The following GPM6B variants were observed in gnomAD, a reference collection of about 807,000 sequenced individuals.
GPM6B encodes neuronal membrane glycoprotein M6-b.
A neutral mutation model predicts 27.2 loss-of-function variants in GPM6B; 4 were observed. That is an observed-to-expected ratio of 0.15 (90% CI 0.07 to 0.34). GPM6B has a LOEUF of 0.34. Among genes scored for constraint, GPM6B ranks in the 10% least tolerant of loss-of-function variants. The pLI is 1.00. For missense variants in GPM6B, 183 were observed against 261.9 expected (o/e 0.70, Z 2.08); for synonymous variants, 124 against 103.1 (o/e 1.20, Z -1.23).
intron 1 of GPM6B, among the ~76,000 whole-genome samples, chrX:13,934,313 C>T (rs140597054): frequency 1.6e-3 from 177 of 110,976 alleles, no homozygotes; most frequent in African/African-American, 5.2e-3. Flanking sequence ...CACTTCCTGC[C>T]CAGTTATTCA....
At chrX:13,841,662 G>A (rs2049576693) in intron 1 of GPM6B, among the ~76,000 whole-genome samples, 1 of 111,392 alleles carries the variant, frequency 9.0e-6, no homozygotes, top group Non-Finnish European at 1.9e-5. Flanking sequence ...GGAGGTAATG[G>A]CAATCTACCT....
intron 1 of GPM6B, among the ~76,000 whole-genome samples, chrX:13,813,205 T>C (rs1028273397): frequency 2.7e-5 from 3 of 111,269 alleles, no homozygotes; most frequent in Non-Finnish European, 5.7e-5. Context: ...ACAAGTCGTA[T>C]ATTCTAGAGG....
chrX:13,823,607 C>T (rs981602514), intron 1 of GPM6B, among the ~76,000 whole-genome samples: 2 of 108,528 alleles, frequency 1.8e-5, no homozygotes, highest in Admixed American at 9.8e-5. Flanking sequence ...GCAACCTCTG[C>T]CTCTCGAGTT....
intron 1 of GPM6B, among the ~76,000 whole-genome samples, chrX:13,908,554 T>C (rs890546626): frequency 2.7e-5 from 3 of 112,218 alleles, no homozygotes; most frequent in Admixed American, 9.5e-5. Context: ...AGATCCTGAA[T>C]TGGATCCTGC....
chrX:13,871,211 G>A (rs2049975160), intron 1 of GPM6B, among the ~76,000 whole-genome samples: 1 of 112,327 alleles, frequency 8.9e-6, no homozygotes, highest in Admixed American at 9.4e-5. Context: ...ACTTCAGGCT[G>A]AAGATGAGTA....
intron 1 of GPM6B, among the ~76,000 whole-genome samples, chrX:13,898,202 C>T (rs1022807410): frequency 8.6e-4 from 96 of 111,354 alleles, no homozygotes; most frequent in Non-Finnish European, 1.6e-3. Context: ...CTGATGGGGG[C>T]TGTCCTGTGA....
At chrX:13,878,164 A>C (rs1205091444) in intron 1 of GPM6B, among the ~76,000 whole-genome samples, 1 of 111,560 alleles carries the variant, frequency 9.0e-6, no homozygotes, top group Non-Finnish European at 1.9e-5. Context: ...GCTGTTAAAA[A>C]AAAAAATCAA....
chrX:13,875,430 AGAG>A (rs1484213782), intron 1 of GPM6B, among the ~76,000 whole-genome samples: 1 of 111,740 alleles, frequency 8.9e-6, no homozygotes, highest in Non-Finnish European at 1.9e-5. Context: ...ATCATATGGC[AGAG>A]GAGGACTGGC....
At position 13,833,974 on chromosome X, in the gene GPM6B, C is replaced by T. The variant is rs142192105; in HGVS notation, c.-197-48166G>A. Among the ~76,000 whole-genome samples the T allele has an allele frequency of 1.7e-4, 19 of 112,701 alleles. 2 individuals are homozygous for T. In the East Asian group the frequency reaches 5.3e-3, roughly 32 times the overall value. ...GGCAGGCTATGTACCTTCATTTTAC[C>T]ACACAGACATTTAAGATGAAGGCAC... On this transcript the variant is annotated intron_variant, in intron 1 of 6. Transcript: ENST00000398361.
At chrX:13,865,358 C>T (rs916455724) in intron 1 of GPM6B, among the ~76,000 whole-genome samples, 27 of 107,731 alleles carry the variant, frequency 2.5e-4, no homozygotes, top group Non-Finnish European at 5.8e-5. Context: ...CAAAGCAGTT[C>T]ATGACATTGT....
intron 2 of GPM6B, among the ~76,000 whole-genome samples, chrX:13,802,645 C>T (rs1603021172): frequency 9.0e-6 from 1 of 110,961 alleles, no homozygotes; most frequent in Admixed American, 9.6e-5. Context: ...GTGAAAACTG[C>T]AGGTGCTTTG....
chrX:13,851,162 C>CTAA (rs1491220902), intron 1 of GPM6B, among the ~76,000 whole-genome samples: 5 of 29,675 alleles, frequency 1.7e-4, no homozygotes, highest in Non-Finnish European at 3.3e-4. Flanking sequence ...GACTCCATCT[C>CTAA]CAAAAAAAAA....
At chrX:13,810,744 T>TAAAAAAAAAA (rs747466374) in intron 1 of GPM6B, among the ~76,000 whole-genome samples, 1 of 80,683 alleles carries the variant, frequency 1.2e-5, no homozygotes, top group African/African-American at 4.5e-5. Context: ...ATTCAGGATT[T>TAAAAAAAAAA]AAAAAAAAAA....
chrX:13,874,075 A>C (rs979371187), intron 1 of GPM6B, among the ~76,000 whole-genome samples: 2 of 111,991 alleles, frequency 1.8e-5, no homozygotes, highest in Admixed American at 1.9e-4. Context: ...TTTACAACGG[A>C]TATATTAACA....
At chrX:13,896,191 GA>G (rs111647322) in intron 1 of GPM6B, among the ~76,000 whole-genome samples, 36 of 101,244 alleles carry the variant, frequency 3.6e-4, no homozygotes, top group African/African-American at 1.2e-3. Flanking sequence ...AAAAATAAAA[GA>G]AAAAAATCTT....
At chrX:13,874,390 G>A (rs979226673) in intron 1 of GPM6B, among the ~76,000 whole-genome samples, 14 of 110,943 alleles carry the variant, frequency 1.3e-4, no homozygotes, top group African/African-American at 3.9e-4. Context: ...AAGAACTGGT[G>A]AGCAACTTTT....
At chrX:13,815,347 A>G (rs1262408087) in intron 1 of GPM6B, among the ~76,000 whole-genome samples, 3 of 111,939 alleles carry the variant, frequency 2.7e-5, no homozygotes, top group Middle Eastern at 4.7e-3. Context: ...CCCCGACAAC[A>G]TGCAATCAAC....
At chrX:13,922,292 C>T (rs140851124) in intron 1 of GPM6B, among the ~76,000 whole-genome samples, 4,103 of 111,275 alleles carry the variant, frequency 0.037, 100 homozygotes, top group East Asian at 0.19. Flanking sequence ...GCCAGGAGCA[C>T]CTCCCCATCC....
intron 1 of GPM6B, among the ~76,000 whole-genome samples, chrX:13,897,635 T>C (rs189549927): frequency 8.9e-6 from 1 of 112,221 alleles, no homozygotes; most frequent in African/African-American, 3.2e-5. Context: ...TTCTTGATTA[T>C]TTCTGTTGTT....
Sources: allele counts gnomAD v4.1 joint callset (sites outside exome capture counted in the v4.1 genomes callset), GRCh38; gene constraint gnomAD v4.1.1; transcripts MANE v1.5; gene names NCBI Gene and HGNC (gene_info 2026-07-23, HGNC 2026-07-21).